The following LMBRD1 variants were observed in gnomAD, a reference collection of about 807,000 sequenced individuals.
The protein encoded by LMBRD1 is LMBR1 domain containing 1.
A neutral mutation model predicts 74.8 loss-of-function variants in LMBRD1; 64 were observed. That is an observed-to-expected ratio of 0.86 (90% CI 0.70 to 1.05). The LOEUF is 1.05. Among genes scored for constraint, LMBRD1 ranks in the 50% least tolerant of loss-of-function variants. The pLI, the probability that LMBRD1 is intolerant of heterozygous loss-of-function variation, is 0.00. For synonymous variants in LMBRD1, 204 were observed against 216.3 expected, an observed-to-expected ratio of 0.94 and a Z score of 0.50; for missense variants, 652 against 645.9, an observed-to-expected ratio of 1.01 and a Z score of -0.10.
At chr6:69,744,571 T>G (rs779764877) in intron 5 of LMBRD1, among the ~76,000 whole-genome samples, 3 of 152,232 alleles carry the variant, frequency 2.0e-5, no homozygotes, top group South Asian at 4.1e-4. Context: ...GAAAAGCTAA[T>G]GAATTTCAGT....
chr6:69,787,299 C>T (rs1157954919), intron 2 of LMBRD1, among the ~76,000 whole-genome samples: 1 of 152,060 alleles, frequency 6.6e-6, no homozygotes, highest in Non-Finnish European at 1.5e-5. Flanking sequence ...AATAAAAACT[C>T]ATGAATTTCA....
intron 3 of LMBRD1, among the ~76,000 whole-genome samples, chr6:69,759,525 A>C (rs917486515): frequency 2.0e-5 from 3 of 152,162 alleles, no homozygotes; most frequent in African/African-American, 7.2e-5. Flanking sequence ...ATGCAAAATT[A>C]GTTTAAGTAT....
chr6:69,736,151 T>G (rs961345049), intron 7 of LMBRD1, among the ~76,000 whole-genome samples: 1 of 152,284 alleles, frequency 6.6e-6, no homozygotes, highest in Middle Eastern at 3.4e-3. Flanking sequence ...TCTCCACGCA[T>G]CTTTCATTTC....
intron 7 of LMBRD1, among the ~76,000 whole-genome samples, chr6:69,736,047 T>A (rs1251245849): frequency 1.3e-5 from 2 of 152,170 alleles, no homozygotes; most frequent in Non-Finnish European, 2.9e-5. Flanking sequence ...CTATTCCTGA[T>A]CTTTACAGTA....
chr6:69,792,153 C>A (rs1032339812), intron 1 of LMBRD1, among the ~76,000 whole-genome samples: 1 of 152,240 alleles, frequency 6.6e-6, no homozygotes, highest in African/African-American at 2.4e-5. Context: ...CCAAACCTCA[C>A]CGTGTGTCTC....
chr6:69,717,149 T>A (rs1766509904), intron 8 of LMBRD1, among the ~76,000 whole-genome samples: 1 of 152,096 alleles, frequency 6.6e-6, no homozygotes, highest in Admixed American at 6.6e-5. Context: ...GTATTACATC[T>A]TCCAACTAAT....
intron 9 of LMBRD1, among the ~76,000 whole-genome samples, chr6:69,711,836 T>A (rs1766389541): frequency 6.6e-6 from 1 of 152,160 alleles, no homozygotes; most frequent in African/African-American, 2.4e-5. Flanking sequence ...CATTTCTTTT[T>A]CTTTTTTTTA....
chr6:69,693,260 A>G (rs1765927443), intron 14 of LMBRD1, among the ~76,000 whole-genome samples: 1 of 152,112 alleles, frequency 6.6e-6, no homozygotes, highest in Admixed American at 6.5e-5. Flanking sequence ...AAATTATTCT[A>G]TTCTTTAATG....
At chr6:69,723,770 T>G (rs971066055) in intron 7 of LMBRD1, among the ~76,000 whole-genome samples, 1 of 147,476 alleles carries the variant, frequency 6.8e-6, no homozygotes, top group Non-Finnish European at 1.5e-5. Context: ...AAATGAAAAA[T>G]AAAGAAAAAA....
intron 14 of LMBRD1, among the ~76,000 whole-genome samples, chr6:69,691,875 CA>C (rs34100007): frequency 4.9e-3 from 317 of 65,106 alleles, no homozygotes; most frequent in African/African-American, 0.017. Flanking sequence ...GACTCCGTCT[CA>C]AAAAAAAAAA....
chr6:69,793,718 C>CCTTTTTTT (rs1766142707), intron 1 of LMBRD1, among the ~76,000 whole-genome samples: 1 of 96,052 alleles, frequency 1.0e-5, no homozygotes, highest in African/African-American at 4.2e-5. Context: ...TGTCCTGAAT[C>CCTTTTTTT]TTTTTTTTTT....
intron 3 of LMBRD1, among the ~76,000 whole-genome samples, chr6:69,762,456 CA>C (rs148940523): frequency 1.6e-3 from 211 of 132,290 alleles, no homozygotes; most frequent in South Asian, 1.9e-3. Flanking sequence ...TACCAAAAAA[CA>C]AAAAAAAAAA....
intron 14 of LMBRD1, among the ~76,000 whole-genome samples, chr6:69,681,620 C>CAT (rs5877217): frequency 0.79 from 120,337 of 151,608 alleles, 48,144 homozygotes; most frequent in African/African-American, 0.9. Flanking sequence ...CCTTATTTTA[C>CAT]GTGTATATAT....
Position 69,676,523 on chromosome 6 carries a change from C to T in LMBRD1, c.1436G>A (p.Arg479Gln), listed in dbSNP as rs767484364. ...GAACTTGTGAAGGAATAGGTATGTCCGGGTAACAGTACACTGATCTGTGAA... is the reference window on the plus strand; with the variant it reads ...GAACTTGTGAAGGAATAGGTATGTCTGGGTAACAGTACACTGATCTGTGAA... ...DAPEDQCTVTRTYLFLHKFWF... is the reference protein window; with the variant it reads ...DAPEDQCTVTQTYLFLHKFWF... The change falls in exon 15 of 16, where the codon CGG (arginine) becomes CAG (glutamine). Residue 479 changes from arginine (R) to glutamine (Q), a missense_variant. Coordinates refer to ENST00000649934, the MANE Select transcript of LMBRD1 (RefSeq NM_018368.4). 46 of 1,612,578 alleles carry T rather than the reference C, an allele frequency of 2.9e-5. No homozygotes were observed. The highest frequency in any genetic ancestry group is 3.6e-5 in the Non-Finnish European group (43 of 1,179,064).
chr6:69,734,757 T>G (rs1049703846), intron 7 of LMBRD1, among the ~76,000 whole-genome samples: 20 of 152,214 alleles, frequency 1.3e-4, no homozygotes, highest in Non-Finnish European at 1.6e-4. Context: ...TATTGCATAT[T>G]TCTGGTCACA....
In LMBRD1 at chr6:69,713,718, T is replaced by A; in HGVS notation, c.842A>T (p.Lys281Met). 1 of 1,613,784 alleles carries A rather than the reference T, an allele frequency of 6.2e-7. No homozygotes were observed. The highest frequency in any genetic ancestry group is 1.1e-5 in the South Asian group (1 of 91,080). The change falls in exon 9 of 16, where the codon AAG (lysine) becomes ATG (methionine). Residue 281 changes from lysine to methionine, a missense_variant. Transcript: ENST00000649934. ...QFEERLRTLK[K>M]RERHLEFIEN... ...AATGAATTCTAAATGCCTCTCTCTC[T>A]TCTTAAGTGTTCGTAACCTTTCTTC...
intron 6 of LMBRD1, among the ~76,000 whole-genome samples, chr6:69,738,841 T>C (rs1275551572): frequency 2.0e-5 from 3 of 152,152 alleles, no homozygotes; most frequent in Non-Finnish European, 2.9e-5. Context: ...TCCTGTGGAA[T>C]CAAATACAAA....
chr6:69,688,198 T>C (rs1159726946), intron 14 of LMBRD1, among the ~76,000 whole-genome samples: 2 of 152,114 alleles, frequency 1.3e-5, no homozygotes, highest in Admixed American at 6.5e-5. Flanking sequence ...CTTGACCAGC[T>C]TCATTTTAGT....
At chr6:69,782,051 C>T (rs1243893842) in intron 2 of LMBRD1, among the ~76,000 whole-genome samples, 1 of 152,160 alleles carries the variant, frequency 6.6e-6, no homozygotes, top group African/African-American at 2.4e-5. Context: ...AAATTTAAAA[C>T]AATAACATCC....
Sources: allele counts gnomAD v4.1 joint callset (sites outside exome capture counted in the v4.1 genomes callset), GRCh38; gene constraint gnomAD v4.1.1; transcripts MANE v1.5; gene names NCBI Gene and HGNC (gene_info 2026-07-23, HGNC 2026-07-21).